The following MIPEP variants were observed in gnomAD, a reference collection of about 807,000 sequenced individuals.
MIPEP encodes the protein mitochondrial intermediate peptidase.
Under a neutral mutation model 90.3 loss-of-function variants are expected in MIPEP, and 79 were observed. The ratio of observed to expected loss-of-function variants is 0.87; its 90% CI spans 0.73 to 1.05. The LOEUF is 1.05. MIPEP is among the 50% of genes least tolerant of loss of function. The probability of loss-of-function intolerance (pLI) is 0.00; values close to 1 mark genes in which losing one functional copy is unlikely to be tolerated. For synonymous variants in MIPEP, 334 were observed against 315.8 expected, an observed-to-expected ratio of 1.06 and a Z score of -0.61; for missense variants, 940 against 905.6, an observed-to-expected ratio of 1.04 and a Z score of -0.49.
At chr13:23,871,574 A>G (rs1870810946) in intron 5 of MIPEP, among the ~76,000 whole-genome samples, 1 of 152,248 alleles carries the variant, frequency 6.6e-6, no homozygotes, top group Admixed American at 6.5e-5. Context: ...ATAGCAATTA[A>G]CAAGTTCTAA....
intron 16 of MIPEP, among the ~76,000 whole-genome samples, chr13:23,772,054 C>A (rs1326782716): frequency 6.6e-6 from 1 of 152,160 alleles, no homozygotes; most frequent in East Asian, 1.9e-4. Context: ...AACTGCCCCC[C>A]CACTTCCCAT....
At position 23,837,738 on chromosome 13, in the gene MIPEP, G is replaced by A. The variant is rs532320489; in HGVS notation, c.1357C>T (p.Arg453Cys). ...KPHQDCHFTI[R>C]GGRLKEDGDY... ...CCATCTTCCTTTAGTCTGCCTCCACGGATAGTGAAATGGCAATCCTTTAAG... is the reference window on the plus strand; with the variant it reads ...CCATCTTCCTTTAGTCTGCCTCCACAGATAGTGAAATGGCAATCCTTTAAG... The change falls in exon 13 of 19, where the codon CGT (arginine) becomes TGT (cysteine). Residue 453 changes from arginine to cysteine, a missense_variant. Coordinates refer to ENST00000382172, the MANE Select transcript of MIPEP (RefSeq NM_005932.4). The A allele has an allele frequency of 4.3e-5, 70 of 1,611,828 alleles. 1 individual carries two copies. In the South Asian group the frequency reaches 6.3e-4, roughly 14 times the overall value.
intron 10 of MIPEP, among the ~76,000 whole-genome samples, chr13:23,855,592 C>T (rs146388751): frequency 8.5e-5 from 13 of 152,194 alleles, no homozygotes; most frequent in Admixed American, 8.5e-4. Context: ...CCAAACCCAA[C>T]CTATGATATT....
intron 14 of MIPEP, among the ~76,000 whole-genome samples, chr13:23,813,825 A>T (rs1318376862): frequency 6.6e-6 from 1 of 152,226 alleles, no homozygotes; most frequent in African/African-American, 2.4e-5. Flanking sequence ...CAGATACAGA[A>T]GGTTGACTGT....
chr13:23,877,526 G>A (rs1410558814), intron 4 of MIPEP, among the ~76,000 whole-genome samples: 1 of 152,156 alleles, frequency 6.6e-6, no homozygotes, highest in African/African-American at 2.4e-5. Context: ...GCTTCTCAGA[G>A]ACTCTAAACT....
At chr13:23,874,068 T>C (rs1453019470) in intron 5 of MIPEP, among the ~76,000 whole-genome samples, 1 of 152,236 alleles carries the variant, frequency 6.6e-6, no homozygotes, top group Non-Finnish European at 1.5e-5. Context: ...AATCTCTTCA[T>C]AGGTAAGTGG....
At chr13:23,837,485 TC>T in intron 13 of MIPEP, 66 bp downstream of exon 13, 1 of 1,257,902 alleles carries the variant, frequency 7.9e-7, no homozygotes. Flanking sequence ...AAAGCCCCTT[TC>T]CCAATTCAAA....
chr13:23,866,992 T>C (rs1314444893), intron 7 of MIPEP, among the ~76,000 whole-genome samples: 1 of 143,366 alleles, frequency 7.0e-6, no homozygotes, highest in Non-Finnish European at 1.5e-5. Flanking sequence ...TCTTACCACC[T>C]TCCCTGCTAC....
chr13:23,749,949 C>T (rs1471432582), intron 18 of MIPEP, among the ~76,000 whole-genome samples: 1 of 152,136 alleles, frequency 6.6e-6, no homozygotes, highest in East Asian at 1.9e-4. Context: ...AATCTCACCT[C>T]CGTGCCCCTC....
chr13:23,782,728 AAGAG>A (rs1450561306), intron 16 of MIPEP, among the ~76,000 whole-genome samples: 3 of 152,224 alleles, frequency 2.0e-5, no homozygotes, highest in Admixed American at 6.5e-5. Context: ...TAAAGAAGAA[AAGAG>A]AGAAGAATCA....
intron 14 of MIPEP, 107 bp from the exon 15 acceptor site, chr13:23,810,031 A>G: frequency 3.3e-6 from 2 of 606,978 alleles, no homozygotes; most frequent in South Asian, 5.0e-5. Flanking sequence ...CATGAGTAAT[A>G]GAATTTCATT....
intron 16 of MIPEP, among the ~76,000 whole-genome samples, chr13:23,783,775 G>A (rs1426304948): frequency 2.0e-5 from 3 of 152,050 alleles, no homozygotes; most frequent in African/African-American, 7.2e-5. Flanking sequence ...AAATCAATGT[G>A]CAAAAATCAC....
At chr13:23,872,304 A>T (rs1870845854) in intron 5 of MIPEP, among the ~76,000 whole-genome samples, 1 of 152,192 alleles carries the variant, frequency 6.6e-6, no homozygotes, top group Non-Finnish European at 1.5e-5. Context: ...TCTACCAAAA[A>T]TACAAAATTA....
chr13:23,843,990 G>A (rs548695891), intron 10 of MIPEP, among the ~76,000 whole-genome samples: 1 of 152,134 alleles, frequency 6.6e-6, no homozygotes, highest in Admixed American at 6.5e-5. Context: ...AGAGGAGGGT[G>A]AGGTGCAATG....
intron 10 of MIPEP, chr13:23,842,187 C>T (rs1267727655): frequency 1.3e-5 from 2 of 151,996 alleles, no homozygotes; most frequent in Non-Finnish European, 2.9e-5. Flanking sequence ...ATAGCCATAG[C>T]CAAAAATAAT....
At chr13:23,850,924 A>C (rs1869772691) in intron 10 of MIPEP, among the ~76,000 whole-genome samples, 2 of 152,260 alleles carry the variant, frequency 1.3e-5, no homozygotes, top group Non-Finnish European at 2.9e-5. Context: ...GCCCTGGAAC[A>C]GGGAGGAATG....
At chr13:23,756,067 T>C (rs1417097719) in intron 18 of MIPEP, among the ~76,000 whole-genome samples, 2 of 152,226 alleles carry the variant, frequency 1.3e-5, no homozygotes, top group Non-Finnish European at 2.9e-5. Flanking sequence ...GAATAAATCA[T>C]GGCAACTAAA....
chr13:23,853,312 A>G (rs1869890820), intron 10 of MIPEP, among the ~76,000 whole-genome samples: 1 of 152,172 alleles, frequency 6.6e-6, no homozygotes, highest in South Asian at 2.1e-4. Flanking sequence ...TTGTGGTAAG[A>G]GCCCTATACA....
chr13:23,785,261 T>G (rs1411544213), intron 16 of MIPEP, among the ~76,000 whole-genome samples: 7 of 152,094 alleles, frequency 4.6e-5, no homozygotes, highest in Non-Finnish European at 1.5e-5. Flanking sequence ...AATGATAGAC[T>G]GGATTAAGAA....
Sources: gnomAD v4.1 joint callset for allele counts (sites outside exome capture counted in the v4.1 genomes callset) on GRCh38, gnomAD v4.1.1 for gene constraint, MANE v1.5 for transcripts, NCBI Gene and HGNC (gene_info 2026-07-23, HGNC 2026-07-21) for gene names.